Variants in NCOA1 observed in about 807,000 individuals in gnomAD.
NCOA1 encodes Hin-2 protein.
In NCOA1, 35 loss-of-function variants were observed where a neutral mutation model predicts 150.9. The ratio of observed to expected loss-of-function variants is 0.23; its 90% CI spans 0.18 to 0.31. The LOEUF is 0.31. NCOA1 is among the 10% of genes least tolerant of loss of function. The pLI is 1.00. For missense variants in NCOA1, 1,491 were observed against 1,749.3 expected, an observed-to-expected ratio of 0.85 and a Z score of 2.63; for synonymous variants, 590 against 630.0, an observed-to-expected ratio of 0.94 and a Z score of 0.95.
At chr2:24,601,648 T>C (rs1207992062) in intron 3 of NCOA1, among the ~76,000 whole-genome samples, 1 of 151,952 alleles carries the variant, frequency 6.6e-6, no homozygotes, top group African/African-American at 2.4e-5. Context: ...TTCTTCTTTT[T>C]TTGAGATGGA....
chr2:24,634,811 A>C (rs1437104013), intron 3 of NCOA1, among the ~76,000 whole-genome samples: 2 of 146,714 alleles, frequency 1.4e-5, no homozygotes, highest in Non-Finnish European at 3.0e-5. Flanking sequence ...CCCTGGGCCC[A>C]GGCAATCCTC....
chr2:24,662,156 C>A (rs1236468478), intron 5 of NCOA1, among the ~76,000 whole-genome samples: 3 of 152,166 alleles, frequency 2.0e-5, no homozygotes, highest in South Asian at 2.1e-4. Context: ...GAATTGAATT[C>A]TTTAATCATA....
At chr2:24,671,702 A>G (rs1671691626) in intron 6 of NCOA1, among the ~76,000 whole-genome samples, 1 of 152,082 alleles carries the variant, frequency 6.6e-6, no homozygotes, top group African/African-American at 2.4e-5. Context: ...CTGAGATTAC[A>G]GACATGTGCC....
chr2:24,526,338 A>C (rs932006328), intron 1 of NCOA1, among the ~76,000 whole-genome samples: 1 of 151,996 alleles, frequency 6.6e-6, no homozygotes, highest in African/African-American at 2.4e-5. Flanking sequence ...TAGGTTAATA[A>C]ATTTCTCCCC....
intron 5 of NCOA1, among the ~76,000 whole-genome samples, chr2:24,661,052 A>T (rs1671163089): frequency 6.6e-6 from 1 of 151,450 alleles, no homozygotes; most frequent in Admixed American, 6.6e-5. Flanking sequence ...CAAGAGCAAA[A>T]CTCCGGCTCA....
intron 4 of NCOA1, 39 bp from the exon 5 acceptor site, chr2:24,658,622 C>A: frequency 1.3e-6 from 2 of 1,486,990 alleles, no homozygotes; most frequent in South Asian, 2.3e-5. Context: ...TTGGAAAGGT[C>A]ATAAGGGTAG....
At chr2:24,656,887 T>G (rs999692240) in intron 4 of NCOA1, among the ~76,000 whole-genome samples, 1 of 152,252 alleles carries the variant, frequency 6.6e-6, no homozygotes, top group African/African-American at 2.4e-5. Flanking sequence ...TTAGGTTGAT[T>G]TCATATGTTG....
At chr2:24,511,167 G>GT (rs2148107862) in intron 1 of NCOA1, among the ~76,000 whole-genome samples, 1 of 152,300 alleles carries the variant, frequency 6.6e-6, no homozygotes, top group East Asian at 1.9e-4. Context: ...GTTGTAGCAT[G>GT]TATCAGTACT....
intron 5 of NCOA1, among the ~76,000 whole-genome samples, chr2:24,659,979 C>T (rs1176528965): frequency 1.3e-5 from 2 of 151,982 alleles, no homozygotes; most frequent in African/African-American, 4.8e-5. Context: ...TGCTTTCTCT[C>T]ATGGGAGGAA....
chr2:24,549,078 C>T (rs536933364), intron 1 of NCOA1, among the ~76,000 whole-genome samples: 75 of 152,306 alleles, frequency 4.9e-4, no homozygotes, highest in African/African-American at 1.7e-3. Flanking sequence ...ATGAGAGCCC[C>T]GCCCCTGCAA....
In NCOA1 at chr2:24,550,923, C is replaced by T. The variant is rs1409474131; in HGVS notation, c.-395-13372C>T. On this transcript the variant is annotated intron_variant, in intron 1 of 22. Transcript: ENST00000348332. ...CAGGAGTTTGAGACCAGCCTGGCCA[C>T]CAAGGTGAAACCCCATCTTTACTAA... Among the ~76,000 whole-genome samples, 9 of 152,106 alleles carry T rather than the reference C, an allele frequency of 5.9e-5. No individual in the cohort carries two copies. In the East Asian group the frequency reaches 1.7e-3, roughly 29 times the overall value.
chr2:24,499,314 A>G (rs1450057118), intron 1 of NCOA1, among the ~76,000 whole-genome samples: 2 of 152,208 alleles, frequency 1.3e-5, no homozygotes, highest in African/African-American at 4.8e-5. Flanking sequence ...ACCTTAAAAA[A>G]AAATTTTAAC....
chr2:24,617,941 G>C (rs1259248240), intron 3 of NCOA1, among the ~76,000 whole-genome samples: 3 of 152,022 alleles, frequency 2.0e-5, no homozygotes, highest in Non-Finnish European at 2.9e-5. Flanking sequence ...TTAATGACAT[G>C]AGAAGGAACA....
At chr2:24,551,119 A>G (rs1049832806) in intron 1 of NCOA1, among the ~76,000 whole-genome samples, 2 of 149,514 alleles carry the variant, frequency 1.3e-5, no homozygotes, top group Non-Finnish European at 3.0e-5. Context: ...AAAAGCTCTG[A>G]TAGTTTTCAT....
At chr2:24,581,149 T>C (rs1224183264) in intron 2 of NCOA1, among the ~76,000 whole-genome samples, 1 of 152,118 alleles carries the variant, frequency 6.6e-6, no homozygotes, top group African/African-American at 2.4e-5. Context: ...CTCCACAGGG[T>C]GATAGTCTCT....
chr2:24,652,605 T>C (rs1670757538), intron 4 of NCOA1, among the ~76,000 whole-genome samples: 2 of 152,274 alleles, frequency 1.3e-5, no homozygotes, highest in Admixed American at 6.5e-5. Flanking sequence ...TGTAGAAATT[T>C]AAATTCAACT....
At chr2:24,559,948 C>A (rs1379432737) in intron 1 of NCOA1, among the ~76,000 whole-genome samples, 1 of 152,128 alleles carries the variant, frequency 6.6e-6, no homozygotes, top group African/African-American at 2.4e-5. Context: ...ATTTTCTGTT[C>A]TTCTCCTAGT....
At chr2:24,497,671 CA>C (rs200221675) in intron 1 of NCOA1, among the ~76,000 whole-genome samples, 6,714 of 138,432 alleles carry the variant, frequency 0.049, 237 homozygotes, top group East Asian at 0.2. Context: ...GACTCCATCT[CA>C]AAAAAAAAAA....
rs1672258392 is a variant in NCOA1, at chr2:24,683,271, G to A, written c.532+143G>A. On this transcript the variant is annotated intron_variant, in intron 8 of 22. Transcript: ENST00000348332. ...GTGTTTAAAATATTTTTTCAGTGTG[G>A]TTTCAGTCTCAGATATAAATATGAA... 5 of 487,226 alleles carry A rather than the reference G, an allele frequency of 1.0e-5. No homozygotes were observed. In the Admixed American group the frequency reaches 1.8e-4, roughly 18 times the overall value. The allele number at this position is 487,226 out of a possible 1,614,324, so 30.2% of individuals were successfully genotyped here. A position where few individuals can be genotyped will look rare whatever the true frequency, so the allele number is the denominator to read the frequency against.
Sources: gnomAD v4.1 joint callset for allele counts (sites outside exome capture counted in the v4.1 genomes callset) on GRCh38, gnomAD v4.1.1 for gene constraint, MANE v1.5 for transcripts, NCBI Gene and HGNC (gene_info 2026-07-23, HGNC 2026-07-21) for gene names.